SEMA5A: variants seen among roughly 807,000 people sequenced by gnomAD.
SEMA5A encodes semaphorin 5A, also known as semaphorin-5A.
In SEMA5A, 55 loss-of-function variants were observed where a neutral mutation model predicts 135.5. That is an observed-to-expected ratio of 0.41 (90% CI 0.33 to 0.51). The LOEUF (loss-of-function observed/expected upper bound fraction) is 0.51, where lower values mean the gene tolerates loss of function less well. SEMA5A is among the 20% of genes least tolerant of loss of function. The pLI, the probability that SEMA5A is intolerant of heterozygous loss-of-function variation, is 0.37. For synonymous variants in SEMA5A, 580 were observed against 546.5 expected, an observed-to-expected ratio of 1.06 and a Z score of -0.85; for missense variants, 1,290 against 1,419.9, an observed-to-expected ratio of 0.91 and a Z score of 1.47.
At chr5:9,436,985 C>T (rs1758054497) in intron 2 of SEMA5A, among the ~76,000 whole-genome samples, 1 of 152,122 alleles carries the variant, frequency 6.6e-6, no homozygotes, top group South Asian at 2.1e-4. Flanking sequence ...TGTCCCAGGG[C>T]CACAGGAAGG....
At chr5:9,505,379 C>A (rs1049634178) in intron 1 of SEMA5A, among the ~76,000 whole-genome samples, 1 of 152,160 alleles carries the variant, frequency 6.6e-6, no homozygotes, top group African/African-American at 2.4e-5. Flanking sequence ...GCCTATGACT[C>A]AAACTTTCAA....
chr5:9,352,339 CATCTATCT>C (rs1356026662), intron 3 of SEMA5A, among the ~76,000 whole-genome samples: 2 of 151,450 alleles, frequency 1.3e-5, no homozygotes, highest in Non-Finnish European at 2.9e-5. Context: ...TCTATCTATC[CATCTATCT>C]AGCTATCTAG....
intron 9 of SEMA5A, among the ~76,000 whole-genome samples, chr5:9,200,835 A>G (rs1290140246): frequency 6.6e-6 from 1 of 152,194 alleles, no homozygotes; most frequent in Non-Finnish European, 1.5e-5. Flanking sequence ...GATGCCCAAG[A>G]GATGAAAAAG....
chr5:9,218,921 G>A (rs1174974846), intron 8 of SEMA5A, among the ~76,000 whole-genome samples: 2 of 152,172 alleles, frequency 1.3e-5, no homozygotes, highest in Admixed American at 1.3e-4. Flanking sequence ...ACATTGTATC[G>A]GACTTTGGGG....
intron 8 of SEMA5A, among the ~76,000 whole-genome samples, chr5:9,212,893 A>G (rs1040021205): frequency 6.6e-6 from 1 of 152,240 alleles, no homozygotes; most frequent in African/African-American, 2.4e-5. Context: ...CATCTATTCC[A>G]GCTGCTGTAA....
At chr5:9,468,119 A>C (rs1345752813) in intron 1 of SEMA5A, among the ~76,000 whole-genome samples, 1 of 152,112 alleles carries the variant, frequency 6.6e-6, no homozygotes, top group East Asian at 1.9e-4. Context: ...TACTCCACTG[A>C]CTCATGCTGC....
chr5:9,377,134 A>C (rs1375883590), intron 3 of SEMA5A, among the ~76,000 whole-genome samples: 2 of 151,818 alleles, frequency 1.3e-5, no homozygotes, highest in Non-Finnish European at 2.9e-5. Flanking sequence ...GAATGACATC[A>C]ATCTCTACAC....
chr5:9,189,274 T>C (rs1330218865), intron 11 of SEMA5A, among the ~76,000 whole-genome samples: 1 of 152,150 alleles, frequency 6.6e-6, no homozygotes, highest in Non-Finnish European at 1.5e-5. Context: ...TTATCTGCTG[T>C]CCCCACTAGA....
intron 4 of SEMA5A, among the ~76,000 whole-genome samples, chr5:9,335,202 C>T (rs1694767680): frequency 6.6e-6 from 1 of 151,962 alleles, no homozygotes; most frequent in African/African-American, 2.4e-5. Context: ...GAGATGGAAA[C>T]CATTGGAGAT....
rs1487637989 is a variant in SEMA5A, at chr5:9,223,879, A to G, written c.646+795T>C. 2.0e-5 allele frequency among the ~76,000 whole-genome samples: 3 copies of G among 152,164 alleles called. No homozygotes were observed. In the East Asian group the frequency reaches 5.8e-4, roughly 29 times the overall value. ...AACCTCAATTTGGATGGTTGTCACC[A>G]TCTTCTGATTGCTCAGTAAGCAAGT... On this transcript the variant is annotated intron_variant, in intron 8 of 22. Coordinates refer to ENST00000382496, the MANE Select transcript of SEMA5A (RefSeq NM_003966.3).
intron 2 of SEMA5A, among the ~76,000 whole-genome samples, chr5:9,414,124 T>A (rs931474107): frequency 6.6e-6 from 1 of 152,226 alleles, no homozygotes; most frequent in African/African-American, 2.4e-5. Context: ...AAATCTATTA[T>A]GTAATTATTT....
chr5:9,244,651 C>T (rs1214530513), intron 5 of SEMA5A, among the ~76,000 whole-genome samples: 1 of 152,198 alleles, frequency 6.6e-6, no homozygotes, highest in Non-Finnish European at 1.5e-5. Context: ...TAGGACAGTG[C>T]CACATACACA....
chr5:9,220,260 T>C (rs528137319), intron 8 of SEMA5A, among the ~76,000 whole-genome samples: 58 of 152,208 alleles, frequency 3.8e-4, no homozygotes, highest in Non-Finnish European at 5.9e-4. Context: ...CGGTGTACAC[T>C]GTTCAGGTGA....
At chr5:9,495,615 A>G (rs951483038) in intron 1 of SEMA5A, among the ~76,000 whole-genome samples, 26 of 152,188 alleles carry the variant, frequency 1.7e-4, no homozygotes, top group Non-Finnish European at 3.5e-4. Flanking sequence ...CAGCCCCTCA[A>G]CAAGACTATA....
chr5:9,255,718 T>C (rs1389459611), intron 5 of SEMA5A, among the ~76,000 whole-genome samples: 1 of 152,174 alleles, frequency 6.6e-6, no homozygotes, highest in East Asian at 1.9e-4. Flanking sequence ...TCCTTCCTCC[T>C]TGGGTAATAT....
chr5:9,377,074 G>A (rs1755391835), intron 3 of SEMA5A, among the ~76,000 whole-genome samples: 1 of 150,592 alleles, frequency 6.6e-6, no homozygotes, highest in African/African-American at 2.5e-5. Flanking sequence ...ATTAGGTTAG[G>A]GCTCATCACA....
At chr5:9,152,472 A>G (rs530927953) in intron 12 of SEMA5A, among the ~76,000 whole-genome samples, 125 of 152,334 alleles carry the variant, frequency 8.2e-4, no homozygotes, top group South Asian at 6.4e-3. Context: ...ATGGCAGTTA[A>G]TAAATACCAC....
intron 4 of SEMA5A, among the ~76,000 whole-genome samples, chr5:9,331,985 A>G (rs965637172): frequency 2.0e-5 from 3 of 152,252 alleles, no homozygotes; most frequent in Admixed American, 1.3e-4. Flanking sequence ...AAATACTGTA[A>G]TGGTAAGTCA....
intron 14 of SEMA5A, among the ~76,000 whole-genome samples, chr5:9,119,852 ATAAC>A (rs1560934822): frequency 6.6e-6 from 1 of 152,208 alleles, no homozygotes; most frequent in Non-Finnish European, 1.5e-5. Flanking sequence ...CAAATTGCAT[ATAAC>A]TAACCATGTG....
Sources: gnomAD v4.1 joint callset for allele counts (sites outside exome capture counted in the v4.1 genomes callset) on GRCh38, gnomAD v4.1.1 for gene constraint, MANE v1.5 for transcripts, NCBI Gene and HGNC (gene_info 2026-07-23, HGNC 2026-07-21) for gene names.